Variants in ZNF106 observed in about 807,000 individuals in gnomAD.
ZNF106 encodes the protein SH3-domain binding protein 3.
Under a neutral mutation model 195.1 loss-of-function variants are expected in ZNF106, and 67 were observed. The ratio of observed to expected loss-of-function variants is 0.34; its 90% CI spans 0.28 to 0.42. The LOEUF (loss-of-function observed/expected upper bound fraction) is 0.42. Ranked by LOEUF, ZNF106 falls within the 10% of genes least tolerant of loss-of-function variation. The pLI, the probability that ZNF106 is intolerant of heterozygous loss-of-function variation, is 1.00. For synonymous variants in ZNF106, 784 were observed against 818.6 expected (o/e 0.96, Z 0.72); for missense variants, 2,118 against 2,304.5 (o/e 0.92, Z 1.66).
intron 3 of ZNF106, among the ~76,000 whole-genome samples, chr15:42,461,458 C>G (rs542799874): frequency 6.6e-6 from 1 of 152,358 alleles, no homozygotes; most frequent in East Asian, 1.9e-4. Flanking sequence ...TTAAGATACT[C>G]TCTCCATAAG....
At position 42,413,819 on chromosome 15, in the gene ZNF106, G is replaced by GT. The variant is rs1016709556; in HGVS notation, c.*3484dup. The GT allele has an allele frequency of 2.6e-5, 4 of 152,254 alleles. No individual in the cohort carries two copies. The highest frequency in any genetic ancestry group is 6.5e-5 in the Admixed American group (1 of 15,272). The allele number at this position is 152,254 out of a possible 1,614,324, so 9.4% of individuals were successfully genotyped here. ...AGTAATGACTTTCTCTCAGATTCAA[G>GT]TAACATCAGGTCAAGATAACCTTTG... On this transcript the variant is annotated 3_prime_UTR_variant, in exon 22 of 22. Transcript: ENST00000564754.
intron 20 of ZNF106, among the ~76,000 whole-genome samples, chr15:42,419,544 A>G (rs1276106782): frequency 2.1e-5 from 3 of 144,514 alleles, no homozygotes; most frequent in African/African-American, 7.7e-5. Context: ...ACCCTGTCTC[A>G]AAAAAAAAAA....
chr15:42,450,615 T>A lies in ZNF106; in HGVS notation c.1657A>T (p.Asn553Tyr), dbSNP rs922019320. 1 of 1,614,102 alleles carries A rather than the reference T, an allele frequency of 6.2e-7. No homozygotes were observed. The highest frequency in any genetic ancestry group is 8.5e-7 in the Non-Finnish European group (1 of 1,180,048). ...GCCTTTCGTAAAGTATCATTTAAATTATCACCAGATTGCTTTTGAGAGCCA... is the reference window on the plus strand; with the variant it reads ...GCCTTTCGTAAAGTATCATTTAAATAATCACCAGATTGCTTTTGAGAGCCA... ...TFGSQKQSGD[N>Y]LNDTLRKAKE... is the part of the protein sequence containing the mutation. The change falls in exon 5 of 22, where the codon AAT becomes TAT. Residue 553 changes from asparagine (N) to tyrosine (Y), a missense_variant. Asn to Tyr is a moderately radical substitution (Grantham distance 143). Coordinates refer to ENST00000564754, the MANE Select transcript of ZNF106 (RefSeq NM_001366845.3).
intron 9 of ZNF106, 80 bp downstream of exon 9, chr15:42,444,122 A>AG: frequency 1.1e-6 from 1 of 911,814 alleles, no homozygotes; most frequent in East Asian, 2.9e-5. Flanking sequence ...CAAAAAAAAA[A>AG]AAAAAAAAAA....
At chr15:42,473,488 A>G (rs981865231) in intron 1 of ZNF106, among the ~76,000 whole-genome samples, 3 of 151,866 alleles carry the variant, frequency 2.0e-5, no homozygotes, top group African/African-American at 7.3e-5. Context: ...CCACCTTTGC[A>G]CCTCTACATT....
chr15:42,435,541 A>G, intron 13 of ZNF106, 23 bp from the exon 14 acceptor site: 1 of 1,613,856 alleles, frequency 6.2e-7, no homozygotes, highest in Non-Finnish European at 8.5e-7. Flanking sequence ...CACAGACCAG[A>G]TTATTACTTA....
chr15:42,444,777 C>T, intron 8 of ZNF106, 50 bp downstream of exon 8: 1 of 1,601,958 alleles, frequency 6.2e-7, no homozygotes, highest in Non-Finnish European at 8.5e-7. Context: ...CAGCACAAAA[C>T]AAGATTTCGG....
Position 42,446,637 on chromosome 15 carries a change from G to T in ZNF106, c.3157C>A (p.Pro1053Thr). ...CTTTTATTTTTTCTCTCAAGACTTG[G>T]GAGTTCAGGAGAAGATCCATCCTGG... ...ATGDGSSPEL[P>T]SLERKNKRRK... Residue 1053 changes from proline to threonine, a missense_variant, in exon 7 of 22, where the codon CCA (proline) becomes ACA (threonine). Physicochemically the swap from Pro to Thr is conservative, Grantham distance 38. Transcript: ENST00000564754. 1 of 1,605,300 alleles carries T rather than the reference G, an allele frequency of 6.2e-7. No individual in the cohort carries two copies. Among genetic ancestry groups the T allele is most frequent in the Non-Finnish European group, 8.5e-7 (1 of 1,174,552 alleles).
intron 10 of ZNF106, among the ~76,000 whole-genome samples, chr15:42,441,091 T>G (rs1045488908): frequency 3.0e-4 from 38 of 126,556 alleles, no homozygotes; most frequent in African/African-American, 1.0e-3. Context: ...TCTGAGCACT[T>G]TGGGAGGCCA....
chr15:42,450,440 T>C lies in ZNF106; in HGVS notation c.1832A>G (p.Asp611Gly), dbSNP rs1476120271. 1 of 1,614,198 alleles carries C rather than the reference T, an allele frequency of 6.2e-7. No homozygotes were observed. Among genetic ancestry groups the C allele is most frequent in the Non-Finnish European group, 8.5e-7 (1 of 1,180,046 alleles). Reference protein sequence around the residue: ...KIEFQVHALEDESDGETSDTE... With the variant: ...KIEFQVHALEGESDGETSDTE... ...GTCAGATGTCTCTCCATCACTTTCATCTTCTAGTGCGTGCACTTGAAACTC... is the reference window on the plus strand; with the variant it reads ...GTCAGATGTCTCTCCATCACTTTCACCTTCTAGTGCGTGCACTTGAAACTC... The change falls in exon 5 of 22, where the codon GAT becomes GGT. Residue 611 changes from aspartate (D) to glycine (G), a missense_variant. Coordinates refer to ENST00000564754, the MANE Select transcript of ZNF106 (RefSeq NM_001366845.3).
intron 1 of ZNF106, chr15:42,490,371 A>C (rs1357992577): frequency 3.3e-5 from 5 of 152,210 alleles, no homozygotes; most frequent in Admixed American, 6.5e-5. Context: ...CGGATATCTC[A>C]AACTTCTCAA....
rs776809848 is a variant in ZNF106, at chr15:42,435,415, C to T, written c.4850G>A (p.Ser1617Asn). The T allele has an allele frequency of 9.9e-6, 16 of 1,614,178 alleles. No homozygotes were observed. Among genetic ancestry groups the T allele is most frequent in the Non-Finnish European group, 1.3e-5 (15 of 1,180,044 alleles). Residue 1617 changes from serine to asparagine, a missense_variant, in exon 14 of 22, where the codon AGT becomes AAT. Coordinates refer to ENST00000564754, the MANE Select transcript of ZNF106 (RefSeq NM_001366845.3). ...GKNAALYTGS[S>N]DHTIRCYNVK... ...ATTATAGCAGCGGATGGTATGGTCA[C>T]TGGACCCGGTGTAAAGGGCAGCATT...
Position 42,425,019 on chromosome 15 carries a change from T to C in ZNF106, c.5005A>G (p.Lys1669Glu). Residue 1669 changes from lysine to glutamate, a missense_variant, in exon 16 of 22, where the codon AAA becomes GAA. By Grantham distance (56) the Lys-to-Glu change is moderately conservative. Transcript: ENST00000564754. Reference protein sequence around the residue: ...TVVTFNIKNNKRLEIFECHGP... With the variant: ...TVVTFNIKNNERLEIFECHGP... Reference sequence around the variant, plus strand: ...TGGCATTCAAAGATCTCAAGTCGTTTGTTGTTCTGGAAAATAAGCCAAGAT... The same window carrying C: ...TGGCATTCAAAGATCTCAAGTCGTTCGTTGTTCTGGAAAATAAGCCAAGAT... The C allele has an allele frequency of 1.9e-6, 3 of 1,613,822 alleles. No homozygotes were observed. The highest frequency in any genetic ancestry group is 2.5e-6 in the Non-Finnish European group (3 of 1,179,776).
chr15:42,475,888 T>A (rs1421286859), intron 1 of ZNF106, among the ~76,000 whole-genome samples: 1 of 152,110 alleles, frequency 6.6e-6, no homozygotes, highest in Non-Finnish European at 1.5e-5. Context: ...GACTCTCTGG[T>A]AGAAATTATA....
At chr15:42,473,214 C>T (rs2056716374) in intron 1 of ZNF106, among the ~76,000 whole-genome samples, 1 of 152,070 alleles carries the variant, frequency 6.6e-6, no homozygotes, top group Admixed American at 6.6e-5. Context: ...GCAAATATTC[C>T]AAGATCCGAA....
chr15:42,449,108 G>C (rs2055884539), intron 5 of ZNF106, among the ~76,000 whole-genome samples: 1 of 152,066 alleles, frequency 6.6e-6, no homozygotes, highest in Non-Finnish European at 1.5e-5. Context: ...AAGGAAAGTG[G>C]GGGGAAATAA....
At chr15:42,441,618 A>T (rs1250831525) in intron 10 of ZNF106, 1 of 152,938 alleles carries the variant, frequency 6.5e-6, no homozygotes, top group Non-Finnish European at 1.5e-5. Context: ...CTCAACAGCA[A>T]GTTCTTAGTA....
In ZNF106 at chr15:42,422,001, A is replaced by G. The variant is rs2054677306; in HGVS notation, c.5374-13T>C. 9 of 1,567,738 alleles carry G rather than the reference A, an allele frequency of 5.7e-6. No individual in the cohort carries two copies. The highest frequency in any genetic ancestry group is 7.8e-6 in the Non-Finnish European group (9 of 1,157,382). On this transcript the variant is annotated splice_polypyrimidine_tract_variant and intron_variant, in intron 18 of 21. Transcript: ENST00000564754. ...ATCGATCATGAGACTTAGGCAGAAAAAAAAAAAGAGAATTGAAGTTATTTA... is the reference window on the plus strand; with the variant it reads ...ATCGATCATGAGACTTAGGCAGAAAGAAAAAAAGAGAATTGAAGTTATTTA...
At chr15:42,485,326 T>TTAGTTTCATCTAGCTATTCCAC (rs1180568042) in intron 1 of ZNF106, among the ~76,000 whole-genome samples, 24 of 152,336 alleles carry the variant, frequency 1.6e-4, no homozygotes, top group Non-Finnish European at 1.5e-5. Context: ...CATATGTTAA[T>TTAGTTTCATCTAGCTATTCCAC]TAGTTTCATC....
Sources: gnomAD v4.1 joint callset for allele counts (sites outside exome capture counted in the v4.1 genomes callset) on GRCh38, gnomAD v4.1.1 for gene constraint, MANE v1.5 for transcripts, NCBI Gene and HGNC (gene_info 2026-07-23, HGNC 2026-07-21) for gene names.